Variants in MAP4K3 observed in about 807,000 individuals in gnomAD.
MAP4K3 encodes mitogen-activated protein kinase kinase kinase kinase 3.
In MAP4K3, 94 loss-of-function variants were observed where a neutral mutation model predicts 143.5. The ratio of observed to expected loss-of-function variants is 0.65; its 90% CI spans 0.55 to 0.78. The LOEUF is 0.78. MAP4K3 is among the 30% of genes least tolerant of loss of function. MAP4K3 has a pLI of 0.00. For missense variants in MAP4K3, 1,077 were observed against 1,068.1 expected (o/e 1.01, Z -0.12); for synonymous variants, 416 against 347.2 (o/e 1.20, Z -2.20).
intron 2 of MAP4K3, among the ~76,000 whole-genome samples, chr2:39,364,014 G>C (rs1182991192): frequency 2.4e-5 from 3 of 127,606 alleles, no homozygotes; most frequent in African/African-American, 8.4e-5. Context: ...AAAAAAAGAA[G>C]ACAATAGCAA....
At chr2:39,279,068 G>A (rs1184701713) in intron 23 of MAP4K3, among the ~76,000 whole-genome samples, 2 of 152,104 alleles carry the variant, frequency 1.3e-5, no homozygotes, top group African/African-American at 4.8e-5. Flanking sequence ...GCAGGAGCAG[G>A]AGTGGAAATT....
At chr2:39,394,692 AAG>A (rs1160042217) in intron 1 of MAP4K3, among the ~76,000 whole-genome samples, 2 of 152,172 alleles carry the variant, frequency 1.3e-5, no homozygotes, top group Non-Finnish European at 2.9e-5. Context: ...GGACAGGAGA[AAG>A]AAATGTAACA....
chr2:39,399,023 C>T (rs1292840632), intron 1 of MAP4K3, among the ~76,000 whole-genome samples: 1 of 104,474 alleles, frequency 9.6e-6, no homozygotes, highest in East Asian at 2.9e-4. Context: ...CAGCCTGAGA[C>T]AAAGCAAGAC....
At chr2:39,433,625 C>G (rs1230302977) in intron 1 of MAP4K3, among the ~76,000 whole-genome samples, 1 of 152,110 alleles carries the variant, frequency 6.6e-6, no homozygotes, top group African/African-American at 2.4e-5. Flanking sequence ...TATAACCCAT[C>G]TCCACAGAAA....
intron 20 of MAP4K3, 71 bp downstream of exon 20, chr2:39,288,049 TA>T: frequency 6.4e-7 from 1 of 1,562,298 alleles, no homozygotes; most frequent in Non-Finnish European, 8.7e-7. Context: ...AATAATCTCT[TA>T]AAAGAAAGTT....
At chr2:39,386,384 T>C (rs1378036825) in intron 1 of MAP4K3, among the ~76,000 whole-genome samples, 1 of 152,256 alleles carries the variant, frequency 6.6e-6, no homozygotes, top group Non-Finnish European at 1.5e-5. Context: ...CAAACAAATA[T>C]ACAGAGCAAA....
chr2:39,404,913 A>T (rs1392498629), intron 1 of MAP4K3, among the ~76,000 whole-genome samples: 3 of 151,698 alleles, frequency 2.0e-5, no homozygotes, highest in Non-Finnish European at 2.9e-5. Context: ...GAGCCACCAC[A>T]CCCAGCCGAT....
intron 8 of MAP4K3, among the ~76,000 whole-genome samples, chr2:39,328,226 G>C (rs1277012642): frequency 6.6e-6 from 1 of 152,158 alleles, no homozygotes; most frequent in Non-Finnish European, 1.5e-5. Context: ...AGTTACTTGG[G>C]AGGCTGAGGT....
chr2:39,332,631 T>G (rs1683718545), intron 7 of MAP4K3, among the ~76,000 whole-genome samples: 1 of 152,054 alleles, frequency 6.6e-6, no homozygotes, highest in Non-Finnish European at 1.5e-5. Flanking sequence ...AAATAGTATG[T>G]CTTTGAGTGA....
chr2:39,296,364 T>A (rs1228487810), intron 16 of MAP4K3, among the ~76,000 whole-genome samples: 1 of 152,220 alleles, frequency 6.6e-6, no homozygotes, highest in Non-Finnish European at 1.5e-5. Flanking sequence ...TCACCAAGAT[T>A]GAATGTTACA....
chr2:39,337,661 G>C (rs932337149), intron 4 of MAP4K3, 80 bp from the exon 5 acceptor site: 4 of 856,666 alleles, frequency 4.7e-6, no homozygotes, highest in Middle Eastern at 3.3e-4. Context: ...ACAAGTTTAA[G>C]CAACAGACTT....
intron 23 of MAP4K3, among the ~76,000 whole-genome samples, chr2:39,279,110 G>C (rs1402594898): frequency 1.3e-5 from 2 of 152,126 alleles, no homozygotes; most frequent in South Asian, 2.1e-4. Flanking sequence ...GGAAAGAAAG[G>C]AAAGAACACT....
chr2:39,363,241 G>A (rs571166923), intron 2 of MAP4K3, among the ~76,000 whole-genome samples: 69 of 152,032 alleles, frequency 4.5e-4, no homozygotes, highest in Non-Finnish European at 6.5e-4. Context: ...CTTCCGCACA[G>A]CACAAGAAAC....
chr2:39,251,469 C>T (rs1456139793), intron 33 of MAP4K3, among the ~76,000 whole-genome samples: 2 of 152,172 alleles, frequency 1.3e-5, no homozygotes, highest in East Asian at 3.8e-4. Flanking sequence ...ACTTTATAAT[C>T]TCTCCCACCA....
intron 31 of MAP4K3, 93 bp downstream of exon 31, chr2:39,258,255 A>T (rs1558603349): frequency 1.1e-6 from 1 of 906,698 alleles, no homozygotes; most frequent in South Asian, 1.7e-5. Flanking sequence ...TAAAAAAAGA[A>T]TCTTAATAAT....
intron 6 of MAP4K3, 58 bp downstream of exon 6, chr2:39,336,862 T>A: frequency 2.7e-6 from 2 of 733,458 alleles, no homozygotes; most frequent in South Asian, 4.7e-5. Context: ...TCAAAACAAT[T>A]TGATCAGAGT....
chr2:39,342,292 T>A (rs1447571258), intron 4 of MAP4K3, among the ~76,000 whole-genome samples: 1 of 151,964 alleles, frequency 6.6e-6, no homozygotes, highest in South Asian at 2.1e-4. Flanking sequence ...GCACCCACCA[T>A]CATGCCCAGC....
intron 1 of MAP4K3, among the ~76,000 whole-genome samples, chr2:39,414,426 G>A (rs1667313112): frequency 6.6e-6 from 1 of 152,172 alleles, no homozygotes; most frequent in African/African-American, 2.4e-5. Flanking sequence ...ACAAAATAAT[G>A]TTAGGCAAAT....
intron 1 of MAP4K3, among the ~76,000 whole-genome samples, chr2:39,399,549 T>C (rs950447502): frequency 1.3e-5 from 2 of 152,232 alleles, no homozygotes; most frequent in Non-Finnish European, 2.9e-5. Context: ...AAAGTCTACA[T>C]GTAGCACCTC....
Sources: gnomAD v4.1 joint callset for allele counts (sites outside exome capture counted in the v4.1 genomes callset) on GRCh38, gnomAD v4.1.1 for gene constraint, MANE v1.5 for transcripts, NCBI Gene and HGNC (gene_info 2026-07-23, HGNC 2026-07-21) for gene names.